FOCAD: variants seen among roughly 807,000 people sequenced by gnomAD.
FOCAD encodes focadhesin, also known as KIAA1797.
FOCAD carries 198 observed loss-of-function variants against 225.6 expected under a neutral mutation model. The observed-to-expected ratio is 0.88, with a 90% CI of 0.78 to 0.99. The LOEUF is 0.99. Among genes scored for constraint, FOCAD ranks in the 50% least tolerant of loss-of-function variants. FOCAD has a pLI of 0.00. For missense variants in FOCAD, 2,713 were observed against 2,123.6 expected (o/e 1.28, Z -5.46); for synonymous variants, 897 against 755.0 (o/e 1.19, Z -3.08).
intron 21 of FOCAD, among the ~76,000 whole-genome samples, chr9:20,889,980 A>C (rs912291709): frequency 6.6e-5 from 10 of 152,074 alleles, no homozygotes; most frequent in African/African-American, 2.4e-4. Flanking sequence ...TTCAAATTGG[A>C]CTTTTTATTT....
intron 15 of FOCAD, among the ~76,000 whole-genome samples, chr9:20,859,691 G>A (rs1284913668): frequency 6.8e-6 from 1 of 146,070 alleles, no homozygotes; most frequent in Non-Finnish European, 1.5e-5. Flanking sequence ...ATAGAATGGA[G>A]TATTATATAT....
chr9:20,835,594 G>C (rs910217155), intron 15 of FOCAD, among the ~76,000 whole-genome samples: 4 of 152,014 alleles, frequency 2.6e-5, no homozygotes, highest in African/African-American at 7.2e-5. Flanking sequence ...ATGTTTCAAG[G>C]AGAAAAAGAA....
At chr9:20,821,304 C>T (rs552662238) in intron 14 of FOCAD, among the ~76,000 whole-genome samples, 18 of 151,904 alleles carry the variant, frequency 1.2e-4, no homozygotes, top group African/African-American at 3.1e-4. Context: ...ATATTTATAT[C>T]GTTTTCTGAT....
At chr9:20,817,530 T>C (rs1823852894) in intron 11 of FOCAD, among the ~76,000 whole-genome samples, 1 of 152,186 alleles carries the variant, frequency 6.6e-6, no homozygotes, top group Non-Finnish European at 1.5e-5. Flanking sequence ...TTTATTTTTA[T>C]GGCTGAATAA....
At chr9:20,912,818 A>G (rs764472978) in intron 22 of FOCAD, 48 bp from the exon 23 acceptor site, 54 of 1,473,870 alleles carry the variant, frequency 3.7e-5, no homozygotes, top group Non-Finnish European at 2.1e-5. Context: ...TTTTAAGATC[A>G]CTTCAGCCAT....
At chr9:20,874,993 A>G in intron 19 of FOCAD, 186 bp downstream of exon 19, 2 of 674,824 alleles carry the variant, frequency 3.0e-6, no homozygotes, top group East Asian at 2.8e-5. Context: ...AATCATACGA[A>G]AAAACGTTAC....
intron 1 of FOCAD, among the ~76,000 whole-genome samples, chr9:20,705,588 A>T (rs1025535059): frequency 2.6e-5 from 4 of 152,166 alleles, no homozygotes; most frequent in African/African-American, 9.6e-5. Flanking sequence ...ATTTAAAATA[A>T]TTAGGTATCA....
At chr9:20,763,505 A>G (rs142522820) in intron 6 of FOCAD, among the ~76,000 whole-genome samples, 1,982 of 152,324 alleles carry the variant, frequency 0.013, 15 homozygotes, top group Non-Finnish European at 0.021. Flanking sequence ...TTGTATCTTA[A>G]AAGCACATCT....
At chr9:20,845,049 G>A (rs995113277) in intron 15 of FOCAD, among the ~76,000 whole-genome samples, 1 of 151,980 alleles carries the variant, frequency 6.6e-6, no homozygotes, top group Non-Finnish European at 1.5e-5. Flanking sequence ...CCTTAATAGA[G>A]GGCAGAGTTT....
At position 20,843,285 on chromosome 9, in the gene FOCAD, A is replaced by G. The variant is rs377272832; in HGVS notation, c.1921-19293A>G. On this transcript the variant is annotated intron_variant, in intron 15 of 43. Coordinates refer to ENST00000338382, the MANE Select transcript of FOCAD (RefSeq NM_001375567.1). The stretch of plus-strand genomic sequence containing the variant: ...TAACTCCTTTAGCATTTCTTGTGGG[A>G]CAGGTTTGATGTTGATGAAATCCCT... Among the ~76,000 whole-genome samples the G allele has an allele frequency of 2.6e-5, 4 of 152,064 alleles. 1 individual carries two copies. The highest frequency in any genetic ancestry group is 9.6e-5 in the African/African-American group (4 of 41,520).
intron 2 of FOCAD, among the ~76,000 whole-genome samples, chr9:20,659,964 T>A (rs917418350): frequency 8.5e-5 from 13 of 152,222 alleles, no homozygotes; most frequent in African/African-American, 3.1e-4. Flanking sequence ...TTTTCCAGGT[T>A]TCTTGCTCAA....
chr9:20,691,909 G>C (rs905561574), intron 1 of FOCAD, among the ~76,000 whole-genome samples: 4 of 152,168 alleles, frequency 2.6e-5, no homozygotes, highest in African/African-American at 9.7e-5. Flanking sequence ...GAGTAGCCGG[G>C]ACTACAGGTG....
chr9:20,926,142 A>G (rs1416564995), intron 25 of FOCAD, among the ~76,000 whole-genome samples, 159 bp from the exon 26 acceptor site: 1 of 152,080 alleles, frequency 6.6e-6, no homozygotes, highest in Admixed American at 6.5e-5. Flanking sequence ...AACTACCTGT[A>G]TACCTCATAC....
intron 21 of FOCAD, among the ~76,000 whole-genome samples, chr9:20,904,615 G>A (rs1832804322): frequency 6.6e-6 from 1 of 151,886 alleles, no homozygotes; most frequent in Admixed American, 6.6e-5. Flanking sequence ...TTGACTGTTA[G>A]TCTTCCCTAA....
chr9:20,787,489 C>T (rs998238138), intron 10 of FOCAD, among the ~76,000 whole-genome samples: 1 of 152,034 alleles, frequency 6.6e-6, no homozygotes, highest in African/African-American at 2.4e-5. Context: ...TGTCATTAGT[C>T]TAAAAACCTT....
chr9:20,743,298 G>A (rs1827777428), intron 5 of FOCAD, among the ~76,000 whole-genome samples: 1 of 152,192 alleles, frequency 6.6e-6, no homozygotes, highest in Admixed American at 6.5e-5. Context: ...TGGCAAATAA[G>A]TGTAAGCTTT....
chr9:20,760,928 G>C (rs935594195), intron 6 of FOCAD, among the ~76,000 whole-genome samples: 8 of 151,972 alleles, frequency 5.3e-5, no homozygotes, highest in African/African-American at 1.9e-4. Context: ...TGGGAAGAAA[G>C]CAAAATGTTG....
intron 10 of FOCAD, among the ~76,000 whole-genome samples, chr9:20,786,738 C>T (rs1011236897): frequency 1.3e-5 from 2 of 152,114 alleles, no homozygotes; most frequent in Admixed American, 6.6e-5. Context: ...AATGTGTCTG[C>T]ACATTTTTAT....
intron 39 of FOCAD, among the ~76,000 whole-genome samples, chr9:20,983,821 C>A (rs1840924268): frequency 6.6e-6 from 1 of 152,054 alleles, no homozygotes; most frequent in South Asian, 2.1e-4. Context: ...TTTGAGAGTT[C>A]AGTGAGTTAG....
Sources: allele counts gnomAD v4.1 joint callset (sites outside exome capture counted in the v4.1 genomes callset), GRCh38; gene constraint gnomAD v4.1.1; transcripts MANE v1.5; gene names NCBI Gene and HGNC (gene_info 2026-07-23, HGNC 2026-07-21).